Variants in RNF13 observed in about 807,000 individuals in gnomAD.
RNF13 encodes E3 ubiquitin-protein ligase RNF13.
RNF13 carries 19 observed loss-of-function variants against 37.7 expected under a neutral mutation model. The observed-to-expected ratio is 0.50, with a 90% CI of 0.35 to 0.74. The LOEUF (loss-of-function observed/expected upper bound fraction) is 0.74, where lower values mean the gene tolerates loss of function less well. RNF13 is among the 30% of genes least tolerant of loss of function. The pLI is 0.01. For synonymous variants in RNF13, 144 were observed against 157.8 expected (o/e 0.91, Z 0.65); for missense variants, 375 against 453.0 (o/e 0.83, Z 1.56).
chr3:149,881,386 A>G (rs1713377714), intron 4 of RNF13, among the ~76,000 whole-genome samples: 1 of 152,140 alleles, frequency 6.6e-6, no homozygotes, highest in Non-Finnish European at 1.5e-5. Context: ...GCTGGAATAC[A>G]GTGGCTTGCT....
At chr3:149,908,655 G>A (rs1446995045) in intron 6 of RNF13, among the ~76,000 whole-genome samples, 6 of 152,150 alleles carry the variant, frequency 3.9e-5, no homozygotes, top group African/African-American at 1.4e-4. Flanking sequence ...TGAAATAGTG[G>A]GGATATCCAG....
At chr3:149,860,183 C>T (rs911445923) in intron 3 of RNF13, among the ~76,000 whole-genome samples, 13 of 145,306 alleles carry the variant, frequency 8.9e-5, no homozygotes, top group African/African-American at 3.1e-4. Flanking sequence ...AATCATTGAA[C>T]GGAGATGCAG....
At chr3:149,943,125 A>G (rs1375081226) in intron 8 of RNF13, among the ~76,000 whole-genome samples, 2 of 151,412 alleles carry the variant, frequency 1.3e-5, no homozygotes, top group Admixed American at 6.6e-5. Context: ...TACTTAAGGG[A>G]TATTTGCCTG....
chr3:149,956,463 T>C (rs984243488), intron 8 of RNF13, among the ~76,000 whole-genome samples: 4 of 152,194 alleles, frequency 2.6e-5, no homozygotes, highest in African/African-American at 9.6e-5. Flanking sequence ...TAGGTCTTTG[T>C]GTGAGTCTTG....
chr3:149,865,535 G>A (rs1250526336), intron 3 of RNF13, among the ~76,000 whole-genome samples: 2 of 151,844 alleles, frequency 1.3e-5, no homozygotes, highest in East Asian at 3.9e-4. Context: ...GTGTGATCAT[G>A]GCTCACTGCA....
chr3:149,895,452 T>A, intron 4 of RNF13, 21 bp from the exon 5 acceptor site: 2 of 1,442,956 alleles, frequency 1.4e-6, no homozygotes, highest in Non-Finnish European at 1.9e-6. Flanking sequence ...ATAATTTTTT[T>A]TTTTTTTTTT....
At chr3:149,890,332 G>A (rs1395356872) in intron 4 of RNF13, among the ~76,000 whole-genome samples, 1 of 152,136 alleles carries the variant, frequency 6.6e-6, no homozygotes, top group African/African-American at 2.4e-5. Flanking sequence ...ACTCTTGACT[G>A]AGGAGACCAC....
intron 8 of RNF13, among the ~76,000 whole-genome samples, chr3:149,928,241 C>G (rs902564829): frequency 2.0e-5 from 3 of 152,000 alleles, no homozygotes; most frequent in Non-Finnish European, 4.4e-5. Context: ...TCTAAGAATA[C>G]ACTGTCAAAT....
intron 4 of RNF13, among the ~76,000 whole-genome samples, chr3:149,878,375 T>TA (rs1559924449): frequency 1.3e-5 from 2 of 152,170 alleles, no homozygotes; most frequent in African/African-American, 4.8e-5. Context: ...TAATGAGAGT[T>TA]AAAATGTCAT....
At chr3:149,816,857 G>T (rs1252172532) in intron 1 of RNF13, among the ~76,000 whole-genome samples, 2 of 152,172 alleles carry the variant, frequency 1.3e-5, no homozygotes, top group Non-Finnish European at 2.9e-5. Flanking sequence ...AGTAGTTGAG[G>T]CAAGAAGTGA....
At chr3:149,909,634 G>A (rs570694364) in intron 6 of RNF13, among the ~76,000 whole-genome samples, 9 of 151,868 alleles carry the variant, frequency 5.9e-5, no homozygotes, top group Non-Finnish European at 7.4e-5. Context: ...ATATCTTGAC[G>A]GTAAACTAAA....
chr3:149,956,357 G>C (rs1182636978), intron 8 of RNF13, among the ~76,000 whole-genome samples: 1 of 152,176 alleles, frequency 6.6e-6, no homozygotes, highest in Admixed American at 6.6e-5. Context: ...AAAGGTTCCA[G>C]GATCTGGTGA....
At chr3:149,881,070 G>C (rs1713342884) in intron 4 of RNF13, among the ~76,000 whole-genome samples, 1 of 151,992 alleles carries the variant, frequency 6.6e-6, no homozygotes, top group Non-Finnish European at 1.5e-5. Flanking sequence ...AATTCACTTG[G>C]GTTCACTAAA....
intron 7 of RNF13, among the ~76,000 whole-genome samples, chr3:149,915,973 G>A (rs755267342): frequency 1.8e-4 from 28 of 152,192 alleles, no homozygotes; most frequent in East Asian, 1.5e-3. Flanking sequence ...ACACTTAAAC[G>A]TGGTTGAGAT....
At chr3:149,832,659 C>G (rs916850563) in intron 1 of RNF13, among the ~76,000 whole-genome samples, 19 of 151,948 alleles carry the variant, frequency 1.3e-4, no homozygotes, top group African/African-American at 4.6e-4. Flanking sequence ...CTAAAGAAAA[C>G]AAGAGAGGAG....
intron 4 of RNF13, among the ~76,000 whole-genome samples, chr3:149,892,487 C>A (rs1267315223): frequency 6.6e-6 from 1 of 152,182 alleles, no homozygotes; most frequent in Non-Finnish European, 1.5e-5. Flanking sequence ...CCCCTGGAGA[C>A]CTGTTGGGGA....
chr3:149,923,764 CAAAAAAAAA>C (rs375634287), intron 8 of RNF13, among the ~76,000 whole-genome samples: 1 of 55,002 alleles, frequency 1.8e-5, no homozygotes, highest in Non-Finnish European at 3.7e-5. Flanking sequence ...GACTCCATCT[CAAAAAAAAA>C]AAAAAAAAAA....
rs761601970 is a variant in RNF13, at chr3:149,912,037, T to C, written c.560T>C (p.Phe187Ser). Residue 187 changes from phenylalanine (F) to serine (S), a missense_variant, in exon 7 of 10, where the codon TTC (phenylalanine) becomes TCC (serine). Transcript: ENST00000392894. ...CCTTTGGAATACTACCTAATTCCCT[T>C]CCTTATCATAGTGGGCATCTGTCTC... ...SLPLEYYLIP[F>S]LIIVGICLIL... The C allele has an allele frequency of 3.8e-6, 6 of 1,599,682 alleles. No homozygotes were observed. Among genetic ancestry groups the C allele is most frequent in the Non-Finnish European group, 5.1e-6 (6 of 1,167,734 alleles).
intron 8 of RNF13, among the ~76,000 whole-genome samples, chr3:149,954,420 C>T (rs1484793594): frequency 1.3e-5 from 2 of 152,054 alleles, no homozygotes; most frequent in East Asian, 1.9e-4. Context: ...ACTCCTTACC[C>T]ACCCACCTGC....
Sources: allele counts gnomAD v4.1 joint callset (sites outside exome capture counted in the v4.1 genomes callset), GRCh38; gene constraint gnomAD v4.1.1; transcripts MANE v1.5; gene names NCBI Gene and HGNC (gene_info 2026-07-23, HGNC 2026-07-21).